ARHGEF10L: variants seen among roughly 807,000 people sequenced by gnomAD.
The protein encoded by ARHGEF10L is Rho guanine nucleotide exchange factor 10 like, also known as rho guanine nucleotide exchange factor 10-like protein.
Under a neutral mutation model 141.2 loss-of-function variants are expected in ARHGEF10L, and 69 were observed. The ratio of observed to expected loss-of-function variants is 0.49; its 90% CI spans 0.40 to 0.60. ARHGEF10L has a LOEUF of 0.60. ARHGEF10L is among the 20% of genes least tolerant of loss of function. ARHGEF10L has a pLI of 0.00. For missense variants in ARHGEF10L, 1,482 were observed against 1,734.3 expected, an observed-to-expected ratio of 0.85 and a Z score of 2.58; for synonymous variants, 711 against 718.5, an observed-to-expected ratio of 0.99 and a Z score of 0.17.
At chr1:17,667,455 G>T (rs1229896972) in intron 26 of ARHGEF10L, among the ~76,000 whole-genome samples, 1 of 152,224 alleles carries the variant, frequency 6.6e-6, no homozygotes, top group Admixed American at 6.5e-5. Context: ...TGGGGCCCGA[G>T]ACAGGAAGAA....
At chr1:17,559,032 T>TG (rs1303831508) in intron 1 of ARHGEF10L, among the ~76,000 whole-genome samples, 1 of 151,944 alleles carries the variant, frequency 6.6e-6, no homozygotes, top group East Asian at 1.9e-4. Flanking sequence ...AGTTGGGGTG[T>TG]GGGGGGAGCA....
At chr1:17,682,054 C>A (rs1211645078) in intron 26 of ARHGEF10L, among the ~76,000 whole-genome samples, 1 of 152,012 alleles carries the variant, frequency 6.6e-6, no homozygotes, top group African/African-American at 2.4e-5. Flanking sequence ...TTCACATTGT[C>A]TTGAATTTGG....
chr1:17,543,036 A>G (rs951524749), intron 1 of ARHGEF10L, among the ~76,000 whole-genome samples: 1 of 152,160 alleles, frequency 6.6e-6, no homozygotes, highest in African/African-American at 2.4e-5. Context: ...CCATGGTGCC[A>G]CCTTGGGCCC....
At chr1:17,545,499 A>G (rs1304144449) in intron 1 of ARHGEF10L, among the ~76,000 whole-genome samples, 1 of 152,216 alleles carries the variant, frequency 6.6e-6, no homozygotes, top group Non-Finnish European at 1.5e-5. Context: ...GAAATGGGAC[A>G]AGGAGGAAAT....
At chr1:17,553,865 C>T (rs72927493) in intron 1 of ARHGEF10L, among the ~76,000 whole-genome samples, 9 of 152,180 alleles carry the variant, frequency 5.9e-5, no homozygotes, top group African/African-American at 1.9e-4. Flanking sequence ...GTGCCAGGCA[C>T]TGTGCTGGCT....
chr1:17,671,411 T>A (rs1290739044), intron 26 of ARHGEF10L, among the ~76,000 whole-genome samples: 1 of 152,146 alleles, frequency 6.6e-6, no homozygotes, highest in African/African-American at 2.4e-5. Context: ...CCTGCCTGGA[T>A]GGCAGCCGGG....
chr1:17,645,670 C>T (rs897578571), intron 21 of ARHGEF10L, among the ~76,000 whole-genome samples: 5 of 152,198 alleles, frequency 3.3e-5, no homozygotes, highest in Non-Finnish European at 7.3e-5. Flanking sequence ...GGCAGCATGG[C>T]GAGCGCTGGC....
At chr1:17,559,846 A>T (rs1557706862) in intron 1 of ARHGEF10L, among the ~76,000 whole-genome samples, 1 of 152,062 alleles carries the variant, frequency 6.6e-6, no homozygotes, top group Non-Finnish European at 1.5e-5. Context: ...CTCCAGCCAC[A>T]CTGGGTCTGG....
chr1:17,686,809 AG>A (rs565064065), intron 26 of ARHGEF10L, among the ~76,000 whole-genome samples: 2 of 152,024 alleles, frequency 1.3e-5, no homozygotes, highest in Non-Finnish European at 2.9e-5. Context: ...TTTTTAAAAA[AG>A]TTTTTATTTG....
At chr1:17,634,361 C>G in intron 16 of ARHGEF10L, 187 bp from the exon 17 acceptor site, 1 of 867,250 alleles carries the variant, frequency 1.2e-6, no homozygotes, top group East Asian at 2.4e-5. Flanking sequence ...TTGTGAGACC[C>G]AGAGATGAAG....
intron 15 of ARHGEF10L, among the ~76,000 whole-genome samples, chr1:17,631,911 A>T (rs2060716197): frequency 6.6e-6 from 1 of 152,224 alleles, no homozygotes; most frequent in Non-Finnish European, 1.5e-5. Context: ...AGGCTTGGAC[A>T]TGTGAAGTGA....
intron 1 of ARHGEF10L, among the ~76,000 whole-genome samples, chr1:17,574,028 C>G (rs2246391): frequency 0.92 from 140,795 of 152,212 alleles, 65,172 homozygotes; most frequent in Non-Finnish European, 0.93. Context: ...TCCATCAGGT[C>G]GGTGAGGGAG....
At chr1:17,587,413 C>A in intron 2 of ARHGEF10L, 47 bp from the exon 3 acceptor site, 1 of 1,581,070 alleles carries the variant, frequency 6.3e-7, no homozygotes, top group South Asian at 1.2e-5. Flanking sequence ...CTCCATTGAC[C>A]AAACCTCGGA....
intron 2 of ARHGEF10L, among the ~76,000 whole-genome samples, chr1:17,585,388 G>C (rs75142244): frequency 0.013 from 1,956 of 152,246 alleles, 52 homozygotes; most frequent in African/African-American, 0.044. Flanking sequence ...GGCTGGATCA[G>C]GAAGCTGCCT....
rs1252902135 is a variant in ARHGEF10L, at chr1:17,639,303, G to A, written c.2171+614G>A. Among the ~76,000 whole-genome samples, 1 of 152,206 alleles carries A rather than the reference G, an allele frequency of 6.6e-6. No homozygotes were observed. The highest frequency in any genetic ancestry group is 1.9e-4 in the East Asian group (1 of 5,186). On this transcript the variant is annotated intron_variant, in intron 20 of 28. Coordinates refer to ENST00000361221, the MANE Select transcript of ARHGEF10L (RefSeq NM_018125.4). This position sits in a 1 kb window ranked among gnomAD's most constrained non-coding sequence, Gnocchi z 4.3. ...GCCACATCGTGAGAGACAGAGCTGG[G>A]TCCTGATGAGGTCTGACTCTGAAGC...
At chr1:17,547,626 TAAC>T (rs1398934391) in intron 1 of ARHGEF10L, among the ~76,000 whole-genome samples, 5 of 152,116 alleles carry the variant, frequency 3.3e-5, no homozygotes, top group African/African-American at 1.2e-4. Flanking sequence ...AGTAGGAAAA[TAAC>T]AGTCTCCCGA....
intron 27 of ARHGEF10L, chr1:17,689,701 C>G (rs892873681): frequency 9.0e-6 from 4 of 446,544 alleles, no homozygotes; most frequent in Non-Finnish European, 1.8e-5. Flanking sequence ...AAAAATGTCT[C>G]TGTATCACAA....
chr1:17,667,562 G>A (rs982656022), intron 26 of ARHGEF10L, among the ~76,000 whole-genome samples: 3 of 152,258 alleles, frequency 2.0e-5, no homozygotes, highest in Admixed American at 1.3e-4. Context: ...GGAGAATTGG[G>A]GCACACCAGG....
chr1:17,548,377 G>A (rs2076988192), intron 1 of ARHGEF10L, among the ~76,000 whole-genome samples: 1 of 152,176 alleles, frequency 6.6e-6, no homozygotes, highest in Non-Finnish European at 1.5e-5. Flanking sequence ...GCGATAAATT[G>A]TGGAGAAGTG....
Sources: gnomAD v4.1 joint callset for allele counts (sites outside exome capture counted in the v4.1 genomes callset) on GRCh38, gnomAD v4.1.1 for gene constraint, Gnocchi (gnomAD v3.1) non-coding constraint, MANE v1.5 for transcripts, NCBI Gene and HGNC (gene_info 2026-07-23, HGNC 2026-07-21) for gene names.